The following OSBPL11 variants were observed in gnomAD, a reference collection of about 807,000 sequenced individuals.
The protein encoded by OSBPL11 is oxysterol-binding protein-related protein 11.
Under a neutral mutation model 84.4 loss-of-function variants are expected in OSBPL11, and 33 were observed. The ratio of observed to expected loss-of-function variants is 0.39; its 90% CI spans 0.30 to 0.52. The LOEUF (loss-of-function observed/expected upper bound fraction) is 0.52, where lower values mean the gene tolerates loss of function less well. OSBPL11 is among the 20% of genes least tolerant of loss of function. OSBPL11 has a pLI of 0.72. For missense variants in OSBPL11, 736 were observed against 901.1 expected, an observed-to-expected ratio of 0.82 and a Z score of 2.35; for synonymous variants, 276 against 310.2, an observed-to-expected ratio of 0.89 and a Z score of 1.16.
chr3:125,571,486 A>C (rs937277481), intron 5 of OSBPL11, among the ~76,000 whole-genome samples: 3 of 152,178 alleles, frequency 2.0e-5, no homozygotes, highest in Non-Finnish European at 2.9e-5. Flanking sequence ...AGAAGTCTTC[A>C]TGGCAGACCC....
rs1441110477 is a variant in OSBPL11 at position 125,563,848 on chromosome 3, T to C, written c.869-5A>G. The C allele has an allele frequency of 5.6e-6, 9 of 1,612,380 alleles. No individual in the cohort carries two copies. Among genetic ancestry groups the C allele is most frequent in the African/African-American group, 1.3e-5 (1 of 74,966 alleles). On this transcript the variant is annotated splice_polypyrimidine_tract_variant and splice_region_variant and intron_variant, in intron 6 of 12. Coordinates refer to ENST00000296220, the MANE Select transcript of OSBPL11 (RefSeq NM_022776.5). Reference sequence around the variant, plus strand: ...CTAACCACTCGATTGTCGTTCCTGATGGAGTAAGAGAAAACTTTCGCTGAA... The same window carrying C: ...CTAACCACTCGATTGTCGTTCCTGACGGAGTAAGAGAAAACTTTCGCTGAA...
chr3:125,530,829 A>G (rs1352910497), intron 12 of OSBPL11, among the ~76,000 whole-genome samples: 1 of 152,188 alleles, frequency 6.6e-6, no homozygotes, highest in Admixed American at 6.5e-5. Context: ...TGCAAGAACC[A>G]TTTGTAGCAA....
At chr3:125,579,723 C>T in intron 3 of OSBPL11, 142 bp downstream of exon 3, 3 of 718,778 alleles carry the variant, frequency 4.2e-6, no homozygotes, top group Non-Finnish European at 7.0e-6. Flanking sequence ...ATTCTCAAAG[C>T]AGTTCCAAGG....
rs1936649585 is a variant in OSBPL11, at chr3:125,594,561, A to G, written c.164+76T>C. 1.7e-5 allele frequency: 26 copies of G among 1,514,344 alleles called. No homozygotes were observed. In the South Asian group the frequency reaches 2.7e-4, roughly 16 times the overall value. The allele number at this position is 1,514,344 out of a possible 1,614,324, so 93.8% of individuals were successfully genotyped here. ...GTGAAAAAACTTTTATCTTTCAACA[A>G]TTGCGGGATGCAGCCTCCAGGGCAT... is the stretch of plus-strand genomic sequence containing the variant. On this transcript the variant is annotated intron_variant, in intron 1 of 12. Transcript: ENST00000296220.
In OSBPL11 at chr3:125,552,477, A is replaced by G. The variant is rs1046769054; in HGVS notation, c.1358T>C (p.Ile453Thr). ...AIAKKPYNPI[I>T]GETFHCSWKM... is the part of the protein sequence containing the mutation. Reference sequence around the variant, plus strand: ...CCAGGAACAGTGAAATGTTTCTCCAATGATAGGATTGTATGGTTTTTTAGC... The same window carrying G: ...CCAGGAACAGTGAAATGTTTCTCCAGTGATAGGATTGTATGGTTTTTTAGC... The change falls in exon 9 of 13, where the codon ATT becomes ACT. Residue 453 changes from isoleucine (I) to threonine (T), a missense_variant. By Grantham distance (89) the Ile-to-Thr change is moderately conservative. Coordinates refer to ENST00000296220, the MANE Select transcript of OSBPL11 (RefSeq NM_022776.5). 4 of 1,614,210 alleles carry G rather than the reference A, an allele frequency of 2.5e-6. No homozygotes were observed. Among genetic ancestry groups the G allele is most frequent in the Non-Finnish European group, 3.4e-6 (4 of 1,180,042 alleles).
At position 125,561,159 on chromosome 3, in the gene OSBPL11, G is replaced by A. The variant is rs528799282; in HGVS notation, c.1015-640C>T. On this transcript the variant is annotated intron_variant, in intron 7 of 12. Coordinates refer to ENST00000296220, the MANE Select transcript of OSBPL11 (RefSeq NM_022776.5). ...ACTACAGGCATACACCACCACACCT[G>A]GCTAATTTTTGTGTTTTTAGTAGAG... Among the ~76,000 whole-genome samples the A allele has an allele frequency of 1.2e-4, 18 of 148,450 alleles. No homozygotes were observed. The East Asian group carries it at 3.6e-3, about 30-fold the overall frequency.
In OSBPL11 at chr3:125,538,579, T is replaced by C; in HGVS notation, c.1896A>G (p.Gln632=). 6.2e-7 allele frequency: 1 copy of C among 1,614,040 alleles called. No individual in the cohort carries two copies. Among genetic ancestry groups the C allele is most frequent in the Non-Finnish European group, 8.5e-7 (1 of 1,179,968 alleles). The change falls in exon 11 of 13, where the codon CAA becomes CAG. Residue 632 remains glutamine, a synonymous_variant. Coordinates refer to ENST00000296220, the MANE Select transcript of OSBPL11 (RefSeq NM_022776.5). ...ACTCAAGAACACTATTCCATTCCCCTTGCACTCTGCATACCACAGTGTTGG... is the reference window on the plus strand; with the variant it reads ...ACTCAAGAACACTATTCCATTCCCCCTGCACTCTGCATACCACAGTGTTGG... ...NITNTVVCRV[Q]GEWNSVLEFT...
chr3:125,565,665 T>C (rs1936142695), intron 6 of OSBPL11, among the ~76,000 whole-genome samples: 2 of 152,244 alleles, frequency 1.3e-5, no homozygotes, highest in South Asian at 4.1e-4. Context: ...TTTCTTCTTT[T>C]GACTCTACAG....
At chr3:125,536,799 A>G (rs369046736) in intron 11 of OSBPL11, among the ~76,000 whole-genome samples, 109 of 152,298 alleles carry the variant, frequency 7.2e-4, no homozygotes, top group African/African-American at 2.5e-3. Flanking sequence ...GATAACTACT[A>G]TATTTCTTCG....
At chr3:125,571,473 G>C (rs1434800908) in intron 5 of OSBPL11, among the ~76,000 whole-genome samples, 1 of 152,132 alleles carries the variant, frequency 6.6e-6, no homozygotes, top group Admixed American at 6.5e-5. Flanking sequence ...TCCAGGGCAT[G>C]CCAGAAGTCT....
At chr3:125,590,596 T>C (rs1936580947) in intron 1 of OSBPL11, among the ~76,000 whole-genome samples, 2 of 152,098 alleles carry the variant, frequency 1.3e-5, no homozygotes, top group Non-Finnish European at 2.9e-5. Flanking sequence ...CATGAGATTG[T>C]TTTGTAAATG....
intron 10 of OSBPL11, among the ~76,000 whole-genome samples, chr3:125,543,421 C>T (rs113047202): frequency 1.1e-3 from 162 of 151,830 alleles, no homozygotes; most frequent in Non-Finnish European, 2.0e-3. Flanking sequence ...CATGAGCCAC[C>T]GCGCCCAGCC....
intron 1 of OSBPL11, among the ~76,000 whole-genome samples, chr3:125,587,874 G>C (rs1034133728): frequency 1.3e-4 from 20 of 152,188 alleles, no homozygotes; most frequent in African/African-American, 4.3e-4. Flanking sequence ...AGGAAGTGGA[G>C]GCTGCAGGGA....
chr3:125,563,621 A>T, intron 7 of OSBPL11, 77 bp downstream of exon 7: 1 of 1,423,664 alleles, frequency 7.0e-7, no homozygotes, highest in Non-Finnish European at 9.8e-7. Flanking sequence ...GCATGAGCTG[A>T]CAATGAAAAG....
At chr3:125,593,190 C>T (rs995998608) in intron 1 of OSBPL11, among the ~76,000 whole-genome samples, 18 of 152,144 alleles carry the variant, frequency 1.2e-4, no homozygotes, top group African/African-American at 4.3e-4. Flanking sequence ...CAGGACGAAG[C>T]GCCACGGACA....
intron 5 of OSBPL11, among the ~76,000 whole-genome samples, chr3:125,572,592 G>A (rs1237111280): frequency 6.6e-6 from 1 of 151,940 alleles, no homozygotes; most frequent in Non-Finnish European, 1.5e-5. Flanking sequence ...CACAAGATCT[G>A]ATGGTTTTAT....
intron 1 of OSBPL11, among the ~76,000 whole-genome samples, chr3:125,588,833 G>T (rs1328388319): frequency 6.6e-6 from 1 of 152,146 alleles, no homozygotes; most frequent in South Asian, 2.1e-4. Context: ...GAAGCCATGA[G>T]GCAATTCTCA....
At position 125,552,555 on chromosome 3, in the gene OSBPL11, C is replaced by T. The variant is rs773104875; in HGVS notation, c.1280G>A (p.Arg427His). ...TGAGGTAAGGTAGTACTCAACAAAGCGAATCATTCTGTCCTCAGCTGTGGC... is the reference window on the plus strand; with the variant it reads ...TGAGGTAAGGTAGTACTCAACAAAGTGAATCATTCTGTCCTCAGCTGTGGC... ...NGATAEDRMI[R>H]FVEYYLTSFH... Residue 427 changes from arginine (R) to histidine (H), a missense_variant, in exon 9 of 13, where the codon CGC becomes CAC. Arg to His is a conservative substitution (Grantham distance 29). Around this residue, in one of 3 missense-constraint regions of OSBPL11, gnomAD observed 579 missense variants for 717.6 expected, o/e 0.81. Transcript: ENST00000296220. The T allele has an allele frequency of 6.2e-6, 10 of 1,614,006 alleles. No homozygotes were observed. The highest frequency in any genetic ancestry group is 4.0e-5 in the African/African-American group (3 of 74,904).
intron 4 of OSBPL11, among the ~76,000 whole-genome samples, chr3:125,577,767 T>C (rs1936348425): frequency 6.6e-6 from 1 of 151,876 alleles, no homozygotes; most frequent in Non-Finnish European, 1.5e-5. Flanking sequence ...AGGCGGTGGT[T>C]GCAGTGAGCT....
Sources: gnomAD v4.1 joint callset for allele counts (sites outside exome capture counted in the v4.1 genomes callset) on GRCh38, gnomAD v4.1.1 for gene constraint, gnomAD v4.1.1 regional missense constraint, MANE v1.5 for transcripts, NCBI Gene and HGNC (gene_info 2026-07-23, HGNC 2026-07-21) for gene names.